Variants in ATAT1 observed in about 807,000 individuals in gnomAD.
ATAT1 encodes alpha-tubulin N-acetyltransferase 1.
ATAT1 carries 42 observed loss-of-function variants against 57.2 expected under a neutral mutation model. The ratio of observed to expected loss-of-function variants is 0.73; its 90% CI spans 0.57 to 0.95. The LOEUF (loss-of-function observed/expected upper bound fraction) is 0.95. ATAT1 is among the 40% of genes least tolerant of loss of function. ATAT1 has a pLI of 0.00. For missense variants in ATAT1, 454 were observed against 523.7 expected (o/e 0.87, Z 1.30); for synonymous variants, 168 against 187.1 (o/e 0.90, Z 0.83).
intron 10 of ATAT1, among the ~76,000 whole-genome samples, chr6:30,645,140 T>A (rs1488988349): frequency 1.3e-5 from 2 of 152,138 alleles, no homozygotes; most frequent in African/African-American, 4.8e-5. Flanking sequence ...GTCACCCTAT[T>A]TACAGAGGCC....
In ATAT1 at chr6:30,642,841, A is replaced by ACCCCCCC; in HGVS notation, c.763_769dup (p.Arg257ProfsTer45). The ACCCCCCC allele has an allele frequency of 1.7e-5, 5 of 296,306 alleles. No individual in the cohort carries two copies. Among genetic ancestry groups the ACCCCCCC allele is most frequent in the Admixed American group, 1.3e-4 (3 of 22,310 alleles). 18.4% of individuals were successfully genotyped at this position (296,306 alleles called of 1,614,324 possible). A position where few individuals can be genotyped will look rare whatever the true frequency, so the allele number is the denominator to read the frequency against. On this transcript the variant is annotated frameshift_variant, in exon 10 of 13. Transcript: ENST00000330083. LOFTEE classifies it high-confidence loss of function. ...GCCGCGCCACACCTCCAGCCCACCC[A>ACCCCCCC]CCCCCCCGCTCCAGCAGCCTGGGAA...
intron 12 of ATAT1, 32 bp downstream of exon 12, chr6:30,646,141 C>G (rs1327347016): frequency 1.3e-6 from 2 of 1,598,312 alleles, no homozygotes; most frequent in Middle Eastern, 1.7e-4. Context: ...TAACAGCCTC[C>G]CACCACCATC....
intron 10 of ATAT1, chr6:30,644,770 C>T: frequency 2.1e-6 from 1 of 482,122 alleles, no homozygotes; most frequent in Non-Finnish European, 2.7e-6. Flanking sequence ...ATCTGCACAT[C>T]TTTTACCCAG....
intron 7 of ATAT1, 21 bp downstream of exon 7, chr6:30,640,443 G>A (rs767202154): frequency 6.2e-7 from 1 of 1,612,916 alleles, no homozygotes; most frequent in Non-Finnish European, 8.5e-7. Context: ...GCATTTTGTT[G>A]GTCACGTAGT....
At chr6:30,642,341 C>CT (rs2127546501) in intron 9 of ATAT1, 94 bp downstream of exon 9, 1 of 1,544,812 alleles carries the variant, frequency 6.5e-7, no homozygotes, top group African/African-American at 1.4e-5. Flanking sequence ...TTCGTTCTCT[C>CT]TAAAGACTCA....
chr6:30,643,321 G>A (rs920130370), intron 10 of ATAT1: 14 of 1,424,942 alleles, frequency 9.8e-6, no homozygotes, highest in Non-Finnish European at 1.3e-5. Flanking sequence ...GAAAATCTTC[G>A]CTTAATACTT....
intron 6 of ATAT1, among the ~76,000 whole-genome samples, chr6:30,629,162 G>C (rs554916135): frequency 5.3e-5 from 8 of 151,752 alleles, no homozygotes; most frequent in African/African-American, 1.9e-4. Flanking sequence ...GCCTCCCAAA[G>C]TGCTGGGATT....
At chr6:30,642,318 C>A in intron 9 of ATAT1, 71 bp downstream of exon 9, 1 of 1,595,660 alleles carries the variant, frequency 6.3e-7, no homozygotes, top group African/African-American at 1.3e-5. Flanking sequence ...GCTCAGGGGA[C>A]CCAGGGAAAG....
rs1160345970 is a variant in ATAT1 at position 30,640,420 on chromosome 6, A to G, written c.545A>G (p.His182Arg). The G allele has an allele frequency of 1.9e-6, 3 of 1,612,994 alleles. No individual in the cohort carries two copies. The highest frequency in any genetic ancestry group is 1.7e-6 in the Non-Finnish European group (2 of 1,180,034). The change falls in exon 7 of 13, where the codon CAT becomes CGT. Residue 182 changes from histidine (H) to arginine (R), a missense_variant and splice_region_variant. Around this residue, in one of 3 missense-constraint regions of ATAT1, gnomAD observed 236 missense variants for 284.5 expected, o/e 0.83. Transcript: ENST00000330083. ...TTTGAAGGCTTCTTTGCCCATCAAC[A>G]TCGTAAGTTTTTGCATTTTGTTGGT...
chr6:30,637,296 T>C (rs1764315444), intron 6 of ATAT1, among the ~76,000 whole-genome samples: 1 of 152,186 alleles, frequency 6.6e-6, no homozygotes, highest in Non-Finnish European at 1.5e-5. Context: ...AATTAATGAC[T>C]TAACCAAATT....
chr6:30,640,268 G>A, intron 6 of ATAT1, 109 bp from the exon 7 acceptor site: 17 of 1,218,592 alleles, frequency 1.4e-5, no homozygotes, highest in Non-Finnish European at 1.9e-5. Flanking sequence ...GTTTGTGTAA[G>A]TACACTCTGT....
At chr6:30,639,778 T>C (rs969223754) in intron 6 of ATAT1, among the ~76,000 whole-genome samples, 16 of 152,088 alleles carry the variant, frequency 1.1e-4, no homozygotes, top group Admixed American at 1.0e-3. Context: ...CACCTGACCT[T>C]TACTGTACCT....
intron 6 of ATAT1, among the ~76,000 whole-genome samples, chr6:30,639,641 T>TA (rs1378879491): frequency 6.6e-6 from 1 of 151,896 alleles, no homozygotes; most frequent in South Asian, 2.1e-4. Flanking sequence ...CACATCCGGC[T>TA]AATTTTTTTG....
At chr6:30,634,569 G>T (rs1376851827) in intron 6 of ATAT1, among the ~76,000 whole-genome samples, 1 of 141,166 alleles carries the variant, frequency 7.1e-6, no homozygotes. Flanking sequence ...CATTTTTAAT[G>T]ATCTCAGATG....
intron 10 of ATAT1, chr6:30,643,617 G>A (rs1766023673): frequency 6.5e-7 from 1 of 1,550,264 alleles, no homozygotes; most frequent in African/African-American, 1.4e-5. Flanking sequence ...ACCCCTCCCT[G>A]AGAACCTCAG....
intron 6 of ATAT1, 86 bp downstream of exon 6, chr6:30,628,516 C>T (rs1762147360): frequency 9.1e-7 from 1 of 1,099,162 alleles, no homozygotes; most frequent in African/African-American, 1.6e-5. Context: ...TGACTTATTT[C>T]CTATCACATA....
intron 6 of ATAT1, among the ~76,000 whole-genome samples, chr6:30,638,670 A>G (rs1238541381): frequency 6.6e-6 from 1 of 150,596 alleles, no homozygotes; most frequent in Non-Finnish European, 1.5e-5. Flanking sequence ...CCTCTTGAGT[A>G]AACTCTTAAT....
At chr6:30,638,300 C>CT (rs1049208390) in intron 6 of ATAT1, among the ~76,000 whole-genome samples, 4 of 149,378 alleles carry the variant, frequency 2.7e-5, no homozygotes, top group Admixed American at 6.7e-5. Context: ...CCCCATTAAA[C>CT]TTTTTTTTTT....
intron 6 of ATAT1, among the ~76,000 whole-genome samples, chr6:30,637,547 G>T (rs1764387617): frequency 6.6e-6 from 1 of 152,052 alleles, no homozygotes. Context: ...GCCGGGCGTG[G>T]TGGCATGTGC....
Sources: allele counts gnomAD v4.1 joint callset (sites outside exome capture counted in the v4.1 genomes callset), GRCh38; gene constraint gnomAD v4.1.1; regional missense constraint gnomAD v4.1.1; transcripts MANE v1.5; gene names NCBI Gene and HGNC (gene_info 2026-07-23, HGNC 2026-07-21).